TASP1: variants seen among roughly 807,000 people sequenced by gnomAD.
TASP1 encodes the protein threonine aspartase 1.
TASP1 carries 16 observed loss-of-function variants against 56.6 expected under a neutral mutation model. The observed-to-expected ratio is 0.28, with a 90% CI of 0.19 to 0.43. TASP1 has a LOEUF of 0.43. Among genes scored for constraint, TASP1 ranks in the 20% least tolerant of loss-of-function variants. TASP1 has a pLI of 1.00. For synonymous variants in TASP1, 179 were observed against 184.2 expected, an observed-to-expected ratio of 0.97 and a Z score of 0.23; for missense variants, 393 against 511.6, an observed-to-expected ratio of 0.77 and a Z score of 2.24.
chr20:13,457,456 A>C (rs1222894841), intron 11 of TASP1, among the ~76,000 whole-genome samples: 6 of 152,118 alleles, frequency 3.9e-5, no homozygotes, highest in African/African-American at 1.4e-4. Flanking sequence ...TTTTTGTAAG[A>C]AAGAAATAAA....
At chr20:13,335,900 A>T in the TASP1 span, among the ~76,000 whole-genome samples, 1 of 152,136 alleles carries the variant, frequency 6.6e-6, no homozygotes, top group East Asian at 1.9e-4. Context: ...GAGAGAGGAG[A>T]GAAAATTGTC....
intron 13 of TASP1, among the ~76,000 whole-genome samples, chr20:13,408,910 AT>A (rs578007007): frequency 1.1e-4 from 16 of 150,942 alleles, no homozygotes; most frequent in Admixed American, 4.6e-4. Context: ...AATTTCACTA[AT>A]TTTTTTTCAA....
intron 11 of TASP1, among the ~76,000 whole-genome samples, chr20:13,468,838 G>T (rs1270486566): frequency 1.4e-5 from 2 of 147,508 alleles, no homozygotes; most frequent in Non-Finnish European, 3.0e-5. Flanking sequence ...ATGGAGACAA[G>T]AATTTTTGGT....
chr20:13,425,507 C>T (rs369445232), intron 12 of TASP1, among the ~76,000 whole-genome samples: 2 of 152,208 alleles, frequency 1.3e-5, no homozygotes, highest in East Asian at 1.9e-4. Context: ...TGCACTGGCT[C>T]CCACACCCAC....
the TASP1 span, among the ~76,000 whole-genome samples, chr20:13,237,091 G>A: frequency 6.6e-6 from 1 of 152,176 alleles, no homozygotes; most frequent in South Asian, 2.1e-4. Flanking sequence ...TGCCCTAGAA[G>A]AGGTTCTTCA....
chr20:13,374,715 A>C, the TASP1 span, among the ~76,000 whole-genome samples: 225 of 152,148 alleles, frequency 1.5e-3, 1 homozygote, highest in Non-Finnish European at 2.2e-3. Context: ...TTATTAGTTC[A>C]TCTCTTCCCT....
At chr20:13,197,390 C>T in the TASP1 span, among the ~76,000 whole-genome samples, 1 of 152,086 alleles carries the variant, frequency 6.6e-6, no homozygotes, top group South Asian at 2.1e-4. Context: ...GTCATTACAG[C>T]AATAAAGAAA....
the TASP1 span, among the ~76,000 whole-genome samples, chr20:13,215,545 T>C: frequency 6.6e-6 from 1 of 152,174 alleles, no homozygotes; most frequent in East Asian, 1.9e-4. Context: ...GGTCATTATG[T>C]TTTAATATCA....
chr20:13,428,457 A>G, intron 12 of TASP1, among the ~76,000 whole-genome samples: 1 of 152,214 alleles, frequency 6.6e-6, no homozygotes, highest in East Asian at 1.9e-4. Flanking sequence ...GCACTTCTGT[A>G]GAGGCCTGGA....
chr20:13,620,311 C>A (rs930210666), intron 4 of TASP1, among the ~76,000 whole-genome samples: 17 of 147,870 alleles, frequency 1.1e-4, no homozygotes, highest in African/African-American at 4.2e-4. Flanking sequence ...TACATATACA[C>A]ATATTTCTTT....
chr20:13,345,475 C>T, the TASP1 span, among the ~76,000 whole-genome samples: 1 of 152,178 alleles, frequency 6.6e-6, no homozygotes, highest in African/African-American at 2.4e-5. Flanking sequence ...ATCTAAGCAT[C>T]CTTAACCTCC....
chr20:13,172,216 G>C, the TASP1 span, among the ~76,000 whole-genome samples: 2 of 151,958 alleles, frequency 1.3e-5, no homozygotes, highest in Non-Finnish European at 2.9e-5. Context: ...AATATAAAAA[G>C]ATTTTTATCT....
At chr20:13,564,712 A>T (rs994195188) in intron 7 of TASP1, among the ~76,000 whole-genome samples, 3 of 152,056 alleles carry the variant, frequency 2.0e-5, no homozygotes, top group Non-Finnish European at 4.4e-5. Context: ...CAATCAAAAC[A>T]GTATGGAGGC....
chr20:13,428,420 C>T (rs537864851), intron 12 of TASP1, among the ~76,000 whole-genome samples: 16 of 152,196 alleles, frequency 1.1e-4, no homozygotes, highest in African/African-American at 3.6e-4. Flanking sequence ...ATTTATTAAC[C>T]ATACTATATA....
chr20:13,332,050 C>T, the TASP1 span, among the ~76,000 whole-genome samples: 1 of 152,136 alleles, frequency 6.6e-6, no homozygotes, highest in African/African-American at 2.4e-5. Flanking sequence ...TCCAGTATGA[C>T]TTCTTTCCTT....
At chr20:13,529,874 G>GA (rs1161734496) in intron 9 of TASP1, among the ~76,000 whole-genome samples, 9 of 152,248 alleles carry the variant, frequency 5.9e-5, no homozygotes, top group African/African-American at 2.2e-4. Flanking sequence ...GAATCTCCAT[G>GA]AAACATCCCA....
At chr20:13,481,553 T>G (rs1031380701) in intron 11 of TASP1, among the ~76,000 whole-genome samples, 1 of 152,190 alleles carries the variant, frequency 6.6e-6, no homozygotes, top group Non-Finnish European at 1.5e-5. Context: ...GTACCAGCAT[T>G]CTCTTTTCTC....
At chr20:13,258,094 G>A in the TASP1 span, among the ~76,000 whole-genome samples, 1 of 152,084 alleles carries the variant, frequency 6.6e-6, no homozygotes, top group East Asian at 1.9e-4. Flanking sequence ...TATTATAGCT[G>A]CTATTTCTCC....
At chr20:13,182,824 C>T in the TASP1 span, among the ~76,000 whole-genome samples, 47 of 152,174 alleles carry the variant, frequency 3.1e-4, no homozygotes, top group Non-Finnish European at 5.9e-4. Context: ...GCATTTAGCA[C>T]TCAGTGTTTC....
Sources: gnomAD v4.1 joint callset for allele counts (sites outside exome capture counted in the v4.1 genomes callset) on GRCh38, gnomAD v4.1.1 for gene constraint, MANE v1.5 for transcripts, NCBI Gene and HGNC (gene_info 2026-07-23, HGNC 2026-07-21) for gene names.